MITF: variants seen among roughly 807,000 people sequenced by gnomAD.
MITF encodes melanocyte inducing transcription factor, also known as microphthalmia-associated transcription factor.
MITF carries 17 observed loss-of-function variants against 60.5 expected under a neutral mutation model. That is an observed-to-expected ratio of 0.28 (90% CI 0.19 to 0.42). The LOEUF (loss-of-function observed/expected upper bound fraction) is 0.42, where lower values mean the gene tolerates loss of function less well. Among genes scored for constraint, MITF ranks in the 10% least tolerant of loss-of-function variants. The pLI is 1.00. For missense variants in MITF, 622 were observed against 683.5 expected (o/e 0.91, Z 1.00); for synonymous variants, 260 against 248.5 (o/e 1.05, Z -0.43).
At chr3:69,949,016 A>G (rs1470884782) in intron 5 of MITF, 35 bp from the exon 6 acceptor site, 1 of 1,444,130 alleles carries the variant, frequency 6.9e-7, no homozygotes, top group Admixed American at 1.7e-5. Context: ...GAATTGTTCA[A>G]CAGTTAATTT....
At chr3:69,790,278 A>T (rs2062719156) in intron 1 of MITF, among the ~76,000 whole-genome samples, 1 of 152,160 alleles carries the variant, frequency 6.6e-6, no homozygotes, top group Non-Finnish European at 1.5e-5. Flanking sequence ...TATGTAGAGG[A>T]GTCAAACTCA....
chr3:69,877,755 A>G (rs1429451004), intron 1 of MITF, among the ~76,000 whole-genome samples: 3 of 152,172 alleles, frequency 2.0e-5, no homozygotes, highest in Non-Finnish European at 2.9e-5. Flanking sequence ...CCTGTCTTTA[A>G]GGAGCTCATG....
At chr3:69,955,468 G>A (rs556172764) in intron 7 of MITF, among the ~76,000 whole-genome samples, 3 of 152,202 alleles carry the variant, frequency 2.0e-5, no homozygotes, top group Non-Finnish European at 2.9e-5. Flanking sequence ...CTAGGCTAGG[G>A]CATGGGTTTT....
At position 69,767,835 on chromosome 3, in the gene MITF, A is replaced by G. The variant is rs13090661; in HGVS notation, c.104+28134A>G. 3.5e-3 allele frequency among the ~76,000 whole-genome samples: 536 copies of G among 152,228 alleles called. 4 individuals are homozygous for G. Among genetic ancestry groups the G allele is most frequent in the South Asian group, 0.022 (104 of 4,826 alleles). On this transcript the variant is annotated intron_variant, in intron 1 of 9. Coordinates refer to ENST00000352241, the MANE Select transcript of MITF (RefSeq NM_001354604.2). ...GCTGGTGTCACAGAGGCCAGTTAGGATGGTTCCAGCTGAACTGTCTTTGTG... is the reference window on the plus strand; with the variant it reads ...GCTGGTGTCACAGAGGCCAGTTAGGGTGGTTCCAGCTGAACTGTCTTTGTG...
At chr3:69,802,701 T>C (rs917593717) in intron 1 of MITF, among the ~76,000 whole-genome samples, 45 of 148,346 alleles carry the variant, frequency 3.0e-4, no homozygotes, top group Admixed American at 4.7e-4. Flanking sequence ...TTTTTTTTTT[T>C]TTTTTTTTAG....
intron 1 of MITF, among the ~76,000 whole-genome samples, chr3:69,800,955 T>A (rs1246889472): frequency 6.6e-6 from 1 of 152,142 alleles, no homozygotes; most frequent in South Asian, 2.1e-4. Context: ...AATATTCTTA[T>A]GTATAAATTA....
rs1014428289 is a variant in MITF, at chr3:69,947,175, C to T, written c.763-1876C>T. Among the ~76,000 whole-genome samples the T allele has an allele frequency of 3.3e-5, 5 of 152,156 alleles. No individual in the cohort carries two copies. In the South Asian group the frequency reaches 1.0e-3, roughly 32 times the overall value. On this transcript the variant is annotated intron_variant, in intron 5 of 9. Transcript: ENST00000352241. ...CTATGAAAACCATATGTGTGATTTA[C>T]CTTTCTAGAGCAAGTGGAATAATTT...
chr3:69,930,381 C>T (rs182450527), intron 2 of MITF, among the ~76,000 whole-genome samples: 7 of 152,246 alleles, frequency 4.6e-5, no homozygotes, highest in East Asian at 1.9e-4. Flanking sequence ...TGTGGTAAAT[C>T]GAAAGCCAAG....
chr3:69,859,744 T>C (rs2063979863), intron 1 of MITF, among the ~76,000 whole-genome samples: 1 of 152,146 alleles, frequency 6.6e-6, no homozygotes, highest in Non-Finnish European at 1.5e-5. Context: ...GGCAGAGACA[T>C]TCATATTCTT....
chr3:69,789,729 A>T (rs1052398255), intron 1 of MITF, among the ~76,000 whole-genome samples: 1 of 152,100 alleles, frequency 6.6e-6, no homozygotes, highest in Admixed American at 6.5e-5. Flanking sequence ...GGTGGCACAC[A>T]CCTGTAGTCC....
At position 69,904,463 on chromosome 3, in the gene MITF, C is replaced by G. The variant is rs1337834215; in HGVS notation, c.354+25080C>G. ...CTTCTACTGGTCTGTCCTTCTGTCTCTATCCATTCTTGGCCAAATCCTGCC... is the reference window on the plus strand; with the variant it reads ...CTTCTACTGGTCTGTCCTTCTGTCTGTATCCATTCTTGGCCAAATCCTGCC... On this transcript the variant is annotated intron_variant, in intron 2 of 9. Coordinates refer to ENST00000352241, the MANE Select transcript of MITF (RefSeq NM_001354604.2). Among the ~76,000 whole-genome samples, 4 of 152,148 alleles carry G rather than the reference C, an allele frequency of 2.6e-5. No individual in the cohort carries two copies. The East Asian group carries it at 5.8e-4, about 22-fold the overall frequency.
intron 9 of MITF, among the ~76,000 whole-genome samples, chr3:69,961,665 C>T (rs1021444296): frequency 6.6e-6 from 1 of 152,068 alleles, no homozygotes; most frequent in East Asian, 1.9e-4. Flanking sequence ...GCAGAGGTTG[C>T]GGTGAGCTGA....
At chr3:69,936,910 C>A in intron 2 of MITF, 79 of 532,084 alleles carry the variant, frequency 1.5e-4, no homozygotes, top group East Asian at 3.5e-4. Context: ...AGAAGTAATT[C>A]AATGTAGTTT....
In MITF at chr3:69,803,754, CT is replaced by C. The variant is rs1015821727; in HGVS notation, c.104+64054del. ...CTTCTCAACAGTTTGTAATTTCCTC[CT>C]AGGAAAAAACAAGAATTGCTGCTGC... On this transcript the variant is annotated intron_variant, in intron 1 of 9. Transcript: ENST00000352241. Among the ~76,000 whole-genome samples, 25 of 151,886 alleles carry C rather than the reference CT, an allele frequency of 1.6e-4. 1 individual carries two copies. The highest frequency in any genetic ancestry group is 1.6e-3 in the Admixed American group (25 of 15,266).
intron 2 of MITF, among the ~76,000 whole-genome samples, chr3:69,935,778 CTGTT>C (rs2107471647): frequency 6.6e-6 from 1 of 152,224 alleles, no homozygotes; most frequent in South Asian, 2.1e-4. Context: ...GAAACTATAT[CTGTT>C]TGTTCACAAT....
intron 2 of MITF, among the ~76,000 whole-genome samples, chr3:69,895,780 C>G (rs972859332): frequency 1.3e-5 from 2 of 149,344 alleles, no homozygotes; most frequent in Non-Finnish European, 3.0e-5. Flanking sequence ...AATTTTAATT[C>G]ATTCCTTAAG....
At chr3:69,912,474 G>T (rs894132629) in intron 2 of MITF, among the ~76,000 whole-genome samples, 7 of 152,104 alleles carry the variant, frequency 4.6e-5, no homozygotes, top group Admixed American at 2.6e-4. Context: ...CTCAACCAAG[G>T]TGTTCATCAG....
chr3:69,739,553 C>T lies in MITF; in HGVS notation c.-45C>T. 6.6e-7 allele frequency: 1 copy of T among 1,513,850 alleles called. No homozygotes were observed. Among genetic ancestry groups the T allele is most frequent in the Non-Finnish European group, 9.0e-7 (1 of 1,112,144 alleles). The allele number at this position is 1,513,850 out of a possible 1,614,324, so 93.8% of individuals were successfully genotyped here. ...CAGCTACCTTCCCTCCGCCCCCGGG[C>T]TCTGTTCTCACTTTCCAGCAGTGGA... On this transcript the variant is annotated 5_prime_UTR_variant, in exon 1 of 10. Coordinates refer to ENST00000352241, the MANE Select transcript of MITF (RefSeq NM_001354604.2).
chr3:69,795,111 A>G (rs1385889518), intron 1 of MITF, among the ~76,000 whole-genome samples: 1 of 152,142 alleles, frequency 6.6e-6, no homozygotes, highest in Non-Finnish European at 1.5e-5. Flanking sequence ...CTTTTGGGTA[A>G]ATACCTGGGA....
Sources: gnomAD v4.1 joint callset for allele counts (sites outside exome capture counted in the v4.1 genomes callset) on GRCh38, gnomAD v4.1.1 for gene constraint, MANE v1.5 for transcripts, NCBI Gene and HGNC (gene_info 2026-07-23, HGNC 2026-07-21) for gene names.